KDR: variants seen among roughly 807,000 people sequenced by gnomAD.
KDR encodes kinase insert domain receptor, also known as vascular endothelial growth factor receptor 2.
A neutral mutation model predicts 160.9 loss-of-function variants in KDR; 43 were observed. The ratio of observed to expected loss-of-function variants is 0.27; its 90% CI spans 0.21 to 0.34. The LOEUF (loss-of-function observed/expected upper bound fraction) is 0.34, where lower values mean the gene tolerates loss of function less well. Ranked by LOEUF, KDR falls within the 10% of genes least tolerant of loss-of-function variation. KDR has a pLI of 1.00. For missense variants in KDR, 1,469 were observed against 1,666.4 expected (o/e 0.88, Z 2.06); for synonymous variants, 617 against 600.1 (o/e 1.03, Z -0.41).
intron 27 of KDR, among the ~76,000 whole-genome samples, chr4:55,086,945 T>C (rs894692555): frequency 6.6e-6 from 1 of 152,128 alleles, no homozygotes; most frequent in Non-Finnish European, 1.5e-5. Context: ...AATTTTAATA[T>C]CATATTGTAG....
At chr4:55,120,851 C>CATGT (rs10634099) in intron 2 of KDR, among the ~76,000 whole-genome samples, 27 of 150,052 alleles carry the variant, frequency 1.8e-4, no homozygotes, top group African/African-American at 5.1e-4. Flanking sequence ...TATTTGTGTG[C>CATGT]GTGTGTGTGT....
At chr4:55,118,338 C>T (rs1207014957) in intron 3 of KDR, among the ~76,000 whole-genome samples, 1 of 152,146 alleles carries the variant, frequency 6.6e-6, no homozygotes, top group East Asian at 1.9e-4. Context: ...TTATAAGTCT[C>T]AATGGCCAAC....
chr4:55,090,204 G>A (rs538206559), intron 22 of KDR, 126 bp from the exon 23 acceptor site: 6 of 1,082,122 alleles, frequency 5.5e-6, no homozygotes, highest in South Asian at 2.6e-5. Flanking sequence ...GACTGGGTTA[G>A]TATCTTTTAT....
chr4:55,088,198 G>A (rs755273666), intron 26 of KDR, among the ~76,000 whole-genome samples: 1 of 152,152 alleles, frequency 6.6e-6, no homozygotes, highest in Non-Finnish European at 1.5e-5. Context: ...CAACAAATGG[G>A]TAGGAAAATG....
intron 15 of KDR, among the ~76,000 whole-genome samples, chr4:55,101,319 A>C (rs1720304589): frequency 1.3e-5 from 2 of 152,240 alleles, no homozygotes; most frequent in South Asian, 4.1e-4. Flanking sequence ...AAGCAGAATT[A>C]TAACAACATT....
intron 9 of KDR, among the ~76,000 whole-genome samples, chr4:55,108,728 C>G (rs1720502460): frequency 6.6e-6 from 1 of 151,902 alleles, no homozygotes; most frequent in African/African-American, 2.4e-5. Context: ...CCCTTTCCCT[C>G]TTCCCCTTTC....
At chr4:55,094,701 A>G in intron 21 of KDR, 101 bp downstream of exon 21, 2 of 1,038,408 alleles carry the variant, frequency 1.9e-6, no homozygotes, top group Non-Finnish European at 3.0e-6. Context: ...ATTATGAGGT[A>G]GTATTGGACT....
chr4:55,108,358 G>A (rs1468300290), intron 9 of KDR, among the ~76,000 whole-genome samples: 1 of 152,150 alleles, frequency 6.6e-6, no homozygotes, highest in Non-Finnish European at 1.5e-5. Context: ...CTCAAGTTTA[G>A]GAGATCAGGG....
rs1053297963 is a variant in KDR at position 55,079,723 on chromosome 4, A to G, written c.*218T>C. On this transcript the variant is annotated 3_prime_UTR_variant, in exon 30 of 30. Transcript: ENST00000263923. ...TTTTAAATGAATGAAAAAGAGGATCAGGTCAACACTGGGAGAAGACACAGA... is the reference window on the plus strand; with the variant it reads ...TTTTAAATGAATGAAAAAGAGGATCGGGTCAACACTGGGAGAAGACACAGA... The G allele has an allele frequency of 1.3e-5, 8 of 597,342 alleles. No individual in the cohort carries two copies. Among genetic ancestry groups the G allele is most frequent in the Non-Finnish European group, 2.4e-5 (8 of 335,986 alleles). 37.0% of individuals were successfully genotyped at this position (597,342 alleles called of 1,614,324 possible). A position where few individuals can be genotyped will look rare whatever the true frequency, so the allele number is the denominator to read the frequency against.
intron 29 of KDR, among the ~76,000 whole-genome samples, chr4:55,081,359 C>A (rs1040976613): frequency 1.3e-5 from 2 of 151,596 alleles, no homozygotes; most frequent in Non-Finnish European, 2.9e-5. Context: ...TTCTATTATT[C>A]TTATAAATAT....
intron 14 of KDR, 80 bp from the exon 15 acceptor site, chr4:55,102,108 A>G: frequency 6.3e-7 from 1 of 1,575,792 alleles, no homozygotes; most frequent in Non-Finnish European, 8.7e-7. Flanking sequence ...AGAAAATATA[A>G]ATGCTGCCCT....
intron 27 of KDR, among the ~76,000 whole-genome samples, chr4:55,087,084 A>G (rs1380900730): frequency 6.6e-6 from 1 of 152,190 alleles, no homozygotes; most frequent in African/African-American, 2.4e-5. Flanking sequence ...CAGACATCCC[A>G]TTATGCAAAT....
chr4:55,113,536 AACTTCTAGTAACAC>A, intron 6 of KDR, 55 bp from the exon 7 acceptor site: 1 of 1,439,238 alleles, frequency 6.9e-7, no homozygotes, highest in Non-Finnish European at 9.8e-7. Context: ...ATTACCCAAT[AACTTCTAGTAACAC>A]ACAGAATTAA....
chr4:55,096,464 G>A lies in KDR; in HGVS notation c.2615-122C>T, dbSNP rs538762705. 9 of 701,170 alleles carry A rather than the reference G, an allele frequency of 1.3e-5. No homozygotes were observed. In the South Asian group the frequency reaches 1.3e-4, roughly 10 times the overall value. The allele number at this position is 701,170 out of a possible 1,614,324, so 43.4% of individuals were successfully genotyped here. ...TCCGGGGTAACACAGCTGTGACCTAGTTTACAGACCACATGCATTTCCTCA... is the reference window on the plus strand; with the variant it reads ...TCCGGGGTAACACAGCTGTGACCTAATTTACAGACCACATGCATTTCCTCA... On this transcript the variant is annotated intron_variant, in intron 18 of 29. Coordinates refer to ENST00000263923, the MANE Select transcript of KDR (RefSeq NM_002253.4).
intron 2 of KDR, among the ~76,000 whole-genome samples, chr4:55,119,134 G>A (rs893810666): frequency 3.9e-5 from 6 of 151,972 alleles, no homozygotes; most frequent in African/African-American, 9.7e-5. Flanking sequence ...GCTTGAACCC[G>A]GGAGGTGGAG....
rs148166650 is a variant in KDR at position 55,093,466 on chromosome 4, C to T, written c.2972-752G>A. 2.8e-3 allele frequency among the ~76,000 whole-genome samples: 421 copies of T among 152,216 alleles called. 1 individual carries two copies. Among genetic ancestry groups the T allele is most frequent in the African/African-American group, 9.6e-3 (399 of 41,526 alleles). On this transcript the variant is annotated intron_variant, in intron 21 of 29. Transcript: ENST00000263923. Reference sequence around the variant, plus strand: ...AAAAACTTAGTTGTAGTAATAAATTCGTAAGTATTTAAAAGGCTGTGAGCC... The same window carrying T: ...AAAAACTTAGTTGTAGTAATAAATTTGTAAGTATTTAAAAGGCTGTGAGCC...
chr4:55,114,077 G>C (rs777653553), intron 6 of KDR, 49 bp downstream of exon 6: 1 of 1,608,566 alleles, frequency 6.2e-7, no homozygotes, highest in Non-Finnish European at 8.5e-7. Flanking sequence ...CTTCACTGGG[G>C]CTTATTATCT....
At position 55,125,568 on chromosome 4, in the gene KDR, C is replaced by T. The variant is rs1721014478; in HGVS notation, c.-275G>A. On this transcript the variant is annotated 5_prime_UTR_variant, in exon 1 of 30. Coordinates refer to ENST00000263923, the MANE Select transcript of KDR (RefSeq NM_002253.4). ...AGGAAACGCAGCGACCACACATTGA[C>T]CGCTCTCCCGGGGTCCCGGGACTCA... 1 of 582,116 alleles carries T rather than the reference C, an allele frequency of 1.7e-6. No individual in the cohort carries two copies. Among genetic ancestry groups the T allele is most frequent in the Non-Finnish European group, 3.1e-6 (1 of 324,354 alleles). 36.1% of individuals were successfully genotyped at this position (582,116 alleles called of 1,614,324 possible).
intron 17 of KDR, 63 bp from the exon 18 acceptor site, chr4:55,097,829 C>A (rs570946461): frequency 1.7e-6 from 2 of 1,144,772 alleles, no homozygotes; most frequent in Non-Finnish European, 2.6e-6. Flanking sequence ...CAAAGTGATA[C>A]GCAGAGACAT....
Sources: gnomAD v4.1 joint callset for allele counts (sites outside exome capture counted in the v4.1 genomes callset) on GRCh38, gnomAD v4.1.1 for gene constraint, MANE v1.5 for transcripts, NCBI Gene and HGNC (gene_info 2026-07-23, HGNC 2026-07-21) for gene names.